TBC1D5: variants seen among roughly 807,000 people sequenced by gnomAD.
TBC1D5 encodes the protein TBC1 domain family member 5, also known as TBC1 domain family, member 5.
In TBC1D5, 75 loss-of-function variants were observed where a neutral mutation model predicts 100.3. The ratio of observed to expected loss-of-function variants is 0.75; its 90% CI spans 0.62 to 0.91. The LOEUF (loss-of-function observed/expected upper bound fraction) is 0.91, where lower values mean the gene tolerates loss of function less well. Among genes scored for constraint, TBC1D5 ranks in the 40% least tolerant of loss-of-function variants. The pLI, the probability that TBC1D5 is intolerant of heterozygous loss-of-function variation, is 0.00. For synonymous variants in TBC1D5, 323 were observed against 325.6 expected (o/e 0.99, Z 0.09); for missense variants, 910 against 942.4 (o/e 0.97, Z 0.45).
intron 3 of TBC1D5, among the ~76,000 whole-genome samples, chr3:17,437,562 ATGTGTGTG>A (rs60714048): frequency 7.1e-6 from 1 of 140,074 alleles, no homozygotes; most frequent in Admixed American, 7.1e-5. Context: ...GGTAGTATGC[ATGTGTGTG>A]TGTGTGTGTG....
intron 9 of TBC1D5, among the ~76,000 whole-genome samples, chr3:17,381,194 T>C (rs762394212): frequency 6.3e-4 from 96 of 152,190 alleles, no homozygotes; most frequent in Non-Finnish European, 1.1e-3. Context: ...CTGAGTAGTC[T>C]TCTATACAAA....
intron 1 of TBC1D5, among the ~76,000 whole-genome samples, chr3:17,692,517 G>C (rs1205950499): frequency 6.6e-6 from 1 of 152,186 alleles, no homozygotes; most frequent in Non-Finnish European, 1.5e-5. Context: ...GAGCAGTCAA[G>C]AGATACAAAG....
rs557432344 is a variant in TBC1D5 at position 17,406,718 on chromosome 3, T to C, written c.168-192A>G. 2.4e-5 allele frequency: 13 copies of C among 542,834 alleles called. No homozygotes were observed. In the East Asian group the frequency reaches 3.1e-4, roughly 13 times the overall value. 33.6% of individuals were successfully genotyped at this position (542,834 alleles called of 1,614,324 possible). A position where few individuals can be genotyped will look rare whatever the true frequency, so the allele number is the denominator to read the frequency against. On this transcript the variant is annotated intron_variant, in intron 4 of 21. Transcript: ENST00000253692. Reference sequence around the variant, plus strand: ...AGTTCTTCCGTAGATTTAATGAATATGTAGATAGCTATAATTACGCCAGCT... The same window carrying C: ...AGTTCTTCCGTAGATTTAATGAATACGTAGATAGCTATAATTACGCCAGCT...
chr3:17,608,444 T>C (rs1358180336), intron 2 of TBC1D5, among the ~76,000 whole-genome samples: 9 of 152,228 alleles, frequency 5.9e-5, no homozygotes, highest in South Asian at 2.1e-4. Context: ...AGAGGATCTA[T>C]AGGCACTTTA....
At chr3:17,552,051 T>C (rs1052980970) in intron 2 of TBC1D5, among the ~76,000 whole-genome samples, 29 of 152,124 alleles carry the variant, frequency 1.9e-4, no homozygotes, top group Admixed American at 1.9e-3. Flanking sequence ...TTCTGAGCAG[T>C]ATACATTTGT....
At chr3:17,742,270 G>A (rs551350118), upstream of TBC1D5, among the ~76,000 whole-genome samples, 18 of 152,238 alleles carry the variant, frequency 1.2e-4, no homozygotes, top group African/African-American at 4.3e-4. Context: ...GCGGCAACCC[G>A]TCCGCCGTGG....
At chr3:17,216,860 G>A (rs558579851) in intron 17 of TBC1D5, among the ~76,000 whole-genome samples, 1 of 152,206 alleles carries the variant, frequency 6.6e-6, no homozygotes, top group African/African-American at 2.4e-5. Flanking sequence ...GATTAACTGT[G>A]AAAACAACAC....
chr3:17,392,753 C>T (rs1360571390), intron 8 of TBC1D5, among the ~76,000 whole-genome samples: 2 of 152,076 alleles, frequency 1.3e-5, no homozygotes. Context: ...TTTTCTTTAT[C>T]TAGTCTATCT....
chr3:17,673,378 C>T (rs1294587255), intron 1 of TBC1D5, among the ~76,000 whole-genome samples: 1 of 146,240 alleles, frequency 6.8e-6, no homozygotes, highest in Non-Finnish European at 1.5e-5. Context: ...GGCATGATCT[C>T]GGCTCACTGC....
intron 13 of TBC1D5, among the ~76,000 whole-genome samples, chr3:17,323,855 T>TA (rs1339302650): frequency 2.0e-5 from 3 of 152,164 alleles, no homozygotes; most frequent in African/African-American, 7.2e-5. Flanking sequence ...AGCAAAGGAC[T>TA]AAAAATACTC....
chr3:17,523,307 A>G (rs947575525), intron 2 of TBC1D5, among the ~76,000 whole-genome samples: 4 of 152,194 alleles, frequency 2.6e-5, no homozygotes, highest in Non-Finnish European at 5.9e-5. Flanking sequence ...AAGGAACATC[A>G]GGAAATAGAG....
At chr3:17,529,839 T>C (rs1426922889) in intron 2 of TBC1D5, among the ~76,000 whole-genome samples, 1 of 151,966 alleles carries the variant, frequency 6.6e-6, no homozygotes, top group Non-Finnish European at 1.5e-5. Flanking sequence ...TGAGATAAAA[T>C]TGGACGGAGC....
At chr3:17,285,110 C>T (rs1049689642) in intron 15 of TBC1D5, among the ~76,000 whole-genome samples, 2 of 150,558 alleles carry the variant, frequency 1.3e-5, no homozygotes, top group Non-Finnish European at 1.5e-5. Context: ...CTTGCTGTAA[C>T]ATAACATCAT....
At chr3:17,648,110 A>G (rs907732566) in intron 1 of TBC1D5, among the ~76,000 whole-genome samples, 4 of 152,328 alleles carry the variant, frequency 2.6e-5, no homozygotes, top group Admixed American at 2.0e-4. Context: ...CCAAAACAGC[A>G]TGGTACGGGT....
intron 18 of TBC1D5, among the ~76,000 whole-genome samples, chr3:17,208,794 A>T (rs768489958): frequency 6.6e-5 from 10 of 152,192 alleles, no homozygotes; most frequent in Admixed American, 1.3e-4. Context: ...ATAGAATGCA[A>T]ATGAAACCTG....
intron 1 of TBC1D5, among the ~76,000 whole-genome samples, chr3:17,712,082 GCCCAGCA>G (rs1351096501): frequency 6.6e-6 from 1 of 151,860 alleles, no homozygotes; most frequent in African/African-American, 2.4e-5. Flanking sequence ...GAATGTCACT[GCCCAGCA>G]TCACAGGCTA....
rs112890064 is a variant in TBC1D5, at chr3:17,203,683, G to C, written c.1752+10524C>G. On this transcript the variant is annotated intron_variant, in intron 18 of 21. Transcript: ENST00000253692. ...ACAAGATTTGGTTGTTTAAAAGTGT[G>C]TACCACCTCCCCCTTCAATCTCTCT... 8.6e-3 allele frequency among the ~76,000 whole-genome samples: 1,308 copies of C among 152,224 alleles called. 10 individuals carry two copies. The highest frequency in any genetic ancestry group is 0.015 in the Non-Finnish European group (1,015 of 68,022).
intron 3 of TBC1D5, among the ~76,000 whole-genome samples, chr3:17,508,049 A>C (rs1297486913): frequency 1.3e-5 from 2 of 151,992 alleles, no homozygotes; most frequent in Non-Finnish European, 2.9e-5. Context: ...AATTTCAATT[A>C]CTTTAAAAAA....
intron 2 of TBC1D5, among the ~76,000 whole-genome samples, chr3:17,600,571 T>G (rs1036653157): frequency 5.9e-5 from 9 of 152,108 alleles, no homozygotes; most frequent in Non-Finnish European, 1.2e-4. Context: ...CAAAATTCCA[T>G]AAGAAAAATG....
Sources: gnomAD v4.1 joint callset for allele counts (sites outside exome capture counted in the v4.1 genomes callset) on GRCh38, gnomAD v4.1.1 for gene constraint, MANE v1.5 for transcripts, NCBI Gene and HGNC (gene_info 2026-07-23, HGNC 2026-07-21) for gene names.